Variants in MBP observed in about 807,000 individuals in gnomAD.
MBP encodes myelin basic protein.
In MBP, 16 loss-of-function variants were observed where a neutral mutation model predicts 35.8. That is an observed-to-expected ratio of 0.45 (90% CI 0.30 to 0.68). The LOEUF (loss-of-function observed/expected upper bound fraction) is 0.68. Ranked by LOEUF, MBP falls within the 30% of genes least tolerant of loss-of-function variation. The pLI is 0.08. For synonymous variants in MBP, 143 were observed against 159.6 expected, an observed-to-expected ratio of 0.90 and a Z score of 0.78; for missense variants, 380 against 404.7, an observed-to-expected ratio of 0.94 and a Z score of 0.52.
intron 1 of MBP, among the ~76,000 whole-genome samples, chr18:77,107,577 G>T (rs2145148211): frequency 6.6e-6 from 1 of 152,306 alleles, no homozygotes; most frequent in East Asian, 1.9e-4. Context: ...CTATTTTTGG[G>T]CAAGGGGCTC....
At chr18:76,997,290 C>T (rs540091283) in intron 4 of MBP, among the ~76,000 whole-genome samples, 166 of 152,360 alleles carry the variant, frequency 1.1e-3, no homozygotes, top group African/African-American at 3.5e-3. Context: ...TCCATGGCAG[C>T]CTTGTGAAAA....
intron 7 of MBP, chr18:76,987,048 A>G (rs1267106608): frequency 1.0e-6 from 1 of 985,346 alleles, no homozygotes; most frequent in African/African-American, 1.7e-5. Context: ...GAGAAATTCA[A>G]CAGACATTAG....
chr18:77,029,629 G>T (rs1455864617), intron 3 of MBP, among the ~76,000 whole-genome samples: 2 of 152,128 alleles, frequency 1.3e-5, no homozygotes, highest in African/African-American at 4.8e-5. Flanking sequence ...ATTTATTTCA[G>T]AGATCAACAT....
chr18:77,026,726 GATGGTCTC>G (rs1323325806), intron 3 of MBP, among the ~76,000 whole-genome samples: 1 of 152,164 alleles, frequency 6.6e-6, no homozygotes, highest in Non-Finnish European at 1.5e-5. Context: ...AATTAGCTGG[GATGGTCTC>G]ATGTACCTGT....
At position 77,100,416 on chromosome 18, in the gene MBP, T is replaced by A. The variant is rs190238283; in HGVS notation, c.51+4795A>T. On this transcript the variant is annotated intron_variant, in intron 2 of 8. Coordinates refer to ENST00000355994, the MANE Select transcript of MBP (RefSeq NM_001025101.2). ...ATTTTGTTATGGCAGCCCCAAGAACTCATACAACATACAATGTAGACAATG... is the reference window on the plus strand; with the variant it reads ...ATTTTGTTATGGCAGCCCCAAGAACACATACAACATACAATGTAGACAATG... 8.5e-5 allele frequency among the ~76,000 whole-genome samples: 13 copies of A among 152,142 alleles called. No homozygotes were observed. The East Asian group carries it at 2.5e-3, about 29-fold the overall frequency.
chr18:77,008,757 C>T (rs532342892), intron 4 of MBP, among the ~76,000 whole-genome samples: 13 of 152,360 alleles, frequency 8.5e-5, no homozygotes, highest in African/African-American at 3.1e-4. Context: ...TAAACCTACT[C>T]CTGGCCCGCG....
intron 4 of MBP, among the ~76,000 whole-genome samples, chr18:76,996,519 A>G (rs562231354): frequency 6.6e-6 from 1 of 152,378 alleles, no homozygotes; most frequent in East Asian, 1.9e-4. Context: ...TGCTGTATCC[A>G]GGCATGAAAT....
intron 2 of MBP, among the ~76,000 whole-genome samples, chr18:77,068,101 C>G (rs1304651296): frequency 6.6e-6 from 1 of 152,006 alleles, no homozygotes; most frequent in Non-Finnish European, 1.5e-5. Context: ...GGGTAAGGTC[C>G]CCACCAACCA....
At position 77,017,067 on chromosome 18, in the gene MBP, G is replaced by T; in HGVS notation, c.341C>A (p.Ser114Tyr). Reference sequence around the variant, plus strand: ...TTCTTGGATGGTCTGGAGCTCGTCGGACTCAGAGGGCCTGTCTTTGAAGGT... The same window carrying T: ...TTCTTGGATGGTCTGGAGCTCGTCGTACTCAGAGGGCCTGTCTTTGAAGGT... ...DNTFKDRPSESDELQTIQEDS... is the reference protein window; with the variant it reads ...DNTFKDRPSEYDELQTIQEDS... Residue 114 changes from serine to tyrosine, a missense_variant, in exon 4 of 9, where the codon TCC becomes TAC. Ser to Tyr is a moderately radical substitution (Grantham distance 144). Coordinates refer to ENST00000355994, the MANE Select transcript of MBP (RefSeq NM_001025101.2). The T allele has an allele frequency of 6.2e-7, 1 of 1,612,554 alleles. No homozygotes were observed.
chr18:77,105,240 G>C lies in MBP; in HGVS notation c.22C>G (p.Arg8Gly). The C allele has an allele frequency of 6.2e-7, 1 of 1,612,474 alleles. No homozygotes were observed. Among genetic ancestry groups the C allele is most frequent in the Non-Finnish European group, 8.5e-7 (1 of 1,178,912 alleles). Residue 8 changes from arginine (R) to glycine (G), a missense_variant, in exon 2 of 9, where the codon CGA becomes GGA. By Grantham distance (125) the Arg-to-Gly change is moderately radical. Coordinates refer to ENST00000355994, the MANE Select transcript of MBP (RefSeq NM_001025101.2). The stretch of plus-strand genomic sequence containing the variant: ...CTGGCCTTCTCGGCATTTAATTCTC[G>C]TTTGCCTGCGTGGTTTCCCATCCTG... MGNHAGK[R>G]ELNAEKASTN...
At chr18:76,999,179 C>A (rs1377401125) in intron 4 of MBP, among the ~76,000 whole-genome samples, 40 of 151,892 alleles carry the variant, frequency 2.6e-4, no homozygotes, top group Admixed American at 2.6e-3. Flanking sequence ...GGGGAGGACG[C>A]AAGCTGGGTG....
At chr18:77,091,668 G>A (rs56398555) in intron 2 of MBP, among the ~76,000 whole-genome samples, 10,920 of 149,712 alleles carry the variant, frequency 0.073, 513 homozygotes, top group East Asian at 0.1. Context: ...GCACACATGC[G>A]TGAACACACA....
intron 3 of MBP, among the ~76,000 whole-genome samples, chr18:77,060,606 A>G (rs1233392989): frequency 6.6e-6 from 1 of 151,980 alleles, no homozygotes; most frequent in African/African-American, 2.4e-5. Context: ...GTGCACTACT[A>G]CATCCAGCTA....
chr18:77,033,398 C>T (rs972447461), intron 3 of MBP, among the ~76,000 whole-genome samples: 2 of 152,164 alleles, frequency 1.3e-5, no homozygotes, highest in African/African-American at 4.8e-5. Context: ...CCATGCATTG[C>T]TCTGATGAGC....
intron 1 of MBP, among the ~76,000 whole-genome samples, chr18:77,125,590 T>C (rs1204969988): frequency 2.0e-5 from 3 of 152,202 alleles, no homozygotes; most frequent in Non-Finnish European, 4.4e-5. Context: ...AATAATACTA[T>C]ATATATTCAT....
chr18:77,130,355 C>G (rs950160957), intron 1 of MBP, among the ~76,000 whole-genome samples: 7 of 151,430 alleles, frequency 4.6e-5, no homozygotes, highest in African/African-American at 1.7e-4. Flanking sequence ...CTTGTGTGCC[C>G]TTAGAGTAAC....
intron 4 of MBP, among the ~76,000 whole-genome samples, chr18:77,002,619 G>A (rs948031197): frequency 1.3e-5 from 2 of 152,218 alleles, no homozygotes; most frequent in Non-Finnish European, 2.9e-5. Flanking sequence ...CTGCTCCCAC[G>A]TCACCACTCA....
intron 3 of MBP, among the ~76,000 whole-genome samples, chr18:77,042,508 A>G (rs1973055703): frequency 6.6e-6 from 1 of 152,262 alleles, no homozygotes; most frequent in African/African-American, 2.4e-5. Flanking sequence ...GTGAGAAACC[A>G]TAACCATTAA....
At chr18:77,106,442 A>G (rs1207049355) in intron 1 of MBP, among the ~76,000 whole-genome samples, 1 of 152,124 alleles carries the variant, frequency 6.6e-6, no homozygotes, top group Admixed American at 6.5e-5. Flanking sequence ...AAGAGAAGCA[A>G]ACGCCTACAG....
Sources: allele counts gnomAD v4.1 joint callset (sites outside exome capture counted in the v4.1 genomes callset), GRCh38; gene constraint gnomAD v4.1.1; transcripts MANE v1.5; gene names NCBI Gene and HGNC (gene_info 2026-07-23, HGNC 2026-07-21).